CABIN1: variants seen among roughly 807,000 people sequenced by gnomAD.
CABIN1 encodes the protein calcineurin-binding protein cabin-1.
In CABIN1, 133 loss-of-function variants were observed where a neutral mutation model predicts 227.7. That is an observed-to-expected ratio of 0.58 (90% CI 0.51 to 0.67). CABIN1 has a LOEUF of 0.67. CABIN1 is among the 30% of genes least tolerant of loss of function. CABIN1 has a pLI of 0.00. For missense variants in CABIN1, 2,408 were observed against 2,852.5 expected, an observed-to-expected ratio of 0.84 and a Z score of 3.55; for synonymous variants, 1,086 against 1,155.1, an observed-to-expected ratio of 0.94 and a Z score of 1.21.
chr22:24,081,403 T>G (rs1396431594), intron 19 of CABIN1, among the ~76,000 whole-genome samples: 1 of 152,234 alleles, frequency 6.6e-6, no homozygotes, highest in African/African-American at 2.4e-5. Flanking sequence ...AGTTTCCACT[T>G]AGAGCATAAG....
At chr22:24,095,000 G>A (rs1374464230) in intron 24 of CABIN1, among the ~76,000 whole-genome samples, 1 of 152,184 alleles carries the variant, frequency 6.6e-6, no homozygotes, top group Non-Finnish European at 1.5e-5. Flanking sequence ...CCACCTGATT[G>A]TGCATGGGTG....
At chr22:24,156,016 G>A in intron 29 of CABIN1, 2 of 574,692 alleles carry the variant, frequency 3.5e-6, no homozygotes, top group Non-Finnish European at 6.1e-6. Flanking sequence ...ACGAGCCTCC[G>A]CGGCCATGGC....
chr22:24,061,805 C>G (rs2039214671), intron 12 of CABIN1, 142 bp from the exon 13 acceptor site: 1 of 704,344 alleles, frequency 1.4e-6, no homozygotes, highest in Admixed American at 2.0e-5. Context: ...CACTGATTAT[C>G]ACTTATGAAA....
rs62642523 is a variant in CABIN1, at chr22:24,067,172, T to G, written c.2223T>G (p.Leu741=). 10,456 of 1,614,214 alleles carry G rather than the reference T, an allele frequency of 6.5e-3. 343 individuals are homozygous for G. The African/African-American group carries it at 0.089, about 14-fold the overall frequency. ...TTCCTGAGAGGCCAGCCCAGCTGCTTCTTCTGCAGGTGTGTGCTGCCAGTG... is the reference window on the plus strand; with the variant it reads ...TTCCTGAGAGGCCAGCCCAGCTGCTGCTTCTGCAGGTGTGTGCTGCCAGTG... ...TSIPERPAQL[L]LLQDSLLRLK... Residue 741 remains leucine, a synonymous_variant, in exon 16 of 37, where the codon CTT becomes CTG. Coordinates refer to ENST00000263119, the MANE Select transcript of CABIN1 (RefSeq NM_012295.4).
Position 24,054,763 on chromosome 22 carries a change from C to T in CABIN1, c.807-110C>T, listed in dbSNP as rs1194146817. The T allele has an allele frequency of 5.9e-6, 8 of 1,364,784 alleles. No homozygotes were observed. In the Admixed American group the frequency reaches 1.2e-4, roughly 20 times the overall value. The allele number at this position is 1,364,784 out of a possible 1,614,324, so 84.5% of individuals were successfully genotyped here. On this transcript the variant is annotated intron_variant, in intron 8 of 36. Coordinates refer to ENST00000263119, the MANE Select transcript of CABIN1 (RefSeq NM_012295.4). The stretch of plus-strand genomic sequence containing the variant: ...ACCTCCCCCACCCCCATGGACATGG[C>T]AGCTCCAGGAGCAGCTCTGCCGCCT...
At chr22:24,041,026 C>A in intron 4 of CABIN1, 113 bp from the exon 5 acceptor site, 1 of 1,283,462 alleles carries the variant, frequency 7.8e-7, no homozygotes, top group Non-Finnish European at 1.1e-6. Flanking sequence ...GTGGACAACA[C>A]TAGACTGGCT....
chr22:24,049,444 C>G (rs546688393), intron 7 of CABIN1, among the ~76,000 whole-genome samples: 2 of 152,320 alleles, frequency 1.3e-5, no homozygotes, highest in South Asian at 2.1e-4. Context: ...TGCCTGCTGC[C>G]CGCCTCTCCT....
intron 8 of CABIN1, among the ~76,000 whole-genome samples, chr22:24,053,834 G>A (rs2038562816): frequency 6.6e-6 from 1 of 152,130 alleles, no homozygotes; most frequent in Non-Finnish European, 1.5e-5. Flanking sequence ...AGCAGCACAT[G>A]CCTCAAGCTG....
intron 1 of CABIN1, among the ~76,000 whole-genome samples, chr22:24,020,675 G>C (rs1395913396): frequency 2.0e-5 from 3 of 152,144 alleles, no homozygotes; most frequent in African/African-American, 4.8e-5. Context: ...TCTGGAAGTT[G>C]TTTATCAGGA....
At chr22:24,111,734 A>G (rs2042817928) in intron 26 of CABIN1, among the ~76,000 whole-genome samples, 1 of 152,254 alleles carries the variant, frequency 6.6e-6, no homozygotes, top group Admixed American at 6.5e-5. Flanking sequence ...TTTCTACTGA[A>G]TGCATATCAC....
chr22:24,117,358 T>A (rs2043146443), intron 27 of CABIN1, among the ~76,000 whole-genome samples: 1 of 152,164 alleles, frequency 6.6e-6, no homozygotes, highest in Non-Finnish European at 1.5e-5. Context: ...CCACCACACC[T>A]GCCTAATTTT....
chr22:24,075,134 T>C (rs2040348119), intron 18 of CABIN1, among the ~76,000 whole-genome samples: 1 of 152,132 alleles, frequency 6.6e-6, no homozygotes, highest in African/African-American at 2.4e-5. Context: ...GCCCAGGAGT[T>C]GGAGGCTGCA....
At chr22:24,085,263 A>G in intron 22 of CABIN1, 112 bp downstream of exon 22, 1 of 1,136,540 alleles carries the variant, frequency 8.8e-7, no homozygotes, top group South Asian at 1.3e-5. Context: ...TTGCAAAGAG[A>G]CCAGGGAAAA....
intron 1 of CABIN1, among the ~76,000 whole-genome samples, chr22:24,029,408 C>T (rs536729856): frequency 5.2e-4 from 79 of 152,132 alleles, no homozygotes; most frequent in Non-Finnish European, 9.8e-4. Flanking sequence ...AAAATTTAGC[C>T]AGGCATGGTG....
intron 29 of CABIN1, 54 bp from the exon 30 acceptor site, chr22:24,164,346 C>T (rs948255200): frequency 3.1e-5 from 50 of 1,595,498 alleles, no homozygotes; most frequent in Non-Finnish European, 3.8e-5. Flanking sequence ...AGGGTGTCCC[C>T]GAGGCTCCTG....
At chr22:24,061,063 G>A (rs936184473) in intron 12 of CABIN1, among the ~76,000 whole-genome samples, 3 of 152,188 alleles carry the variant, frequency 2.0e-5, no homozygotes, top group African/African-American at 4.8e-5. Flanking sequence ...GATGACAGGC[G>A]GGAGCCACCA....
rs200873557 is a variant in CABIN1, at chr22:24,167,009, G to A, written c.5378G>A (p.Arg1793Gln). 6.5e-4 allele frequency: 1,009 copies of A among 1,559,200 alleles called. 13 individuals are homozygous for A. Among genetic ancestry groups the A allele is most frequent in the Non-Finnish European group, 1.4e-4 (157 of 1,152,344 alleles). ...RPARDRGPESRPTELSLEELS... is the reference protein window; with the variant it reads ...RPARDRGPESQPTELSLEELS... ...GCAAGGGACCGGGGCCCCGAGAGCC[G>A]GCCCACTGAGCTGTCCCTGGAGGAG... Residue 1793 changes from arginine (R) to glutamine (Q), a missense_variant, in exon 32 of 37, where the codon CGG becomes CAG. By Grantham distance (43) the Arg-to-Gln change is conservative. Transcript: ENST00000263119.
chr22:24,060,765 C>T (rs2039130139), intron 12 of CABIN1, among the ~76,000 whole-genome samples: 1 of 152,076 alleles, frequency 6.6e-6, no homozygotes, highest in Admixed American at 6.5e-5. Context: ...CCGTACACCA[C>T]CACACCCGGT....
rs775135898 is a variant in CABIN1, at chr22:24,091,754, G to T, written c.3697G>T (p.Ala1233Ser). ...CGTTTACTTGCTGCACTACAGGCAG[G>T]CTGGCCACTACCTGCACGAGGAGGC... The part of the protein sequence containing the change: ...PTVYLLHYRQ[A>S]GHYLHEEAAR... Residue 1233 changes from alanine (A) to serine (S), a missense_variant, in exon 24 of 37, where the codon GCT becomes TCT. This residue lies in a region of CABIN1 where 649 missense variants were observed against 910.3 expected (regional missense o/e 0.71). Transcript: ENST00000263119. The T allele has an allele frequency of 6.2e-7, 1 of 1,614,056 alleles. No individual in the cohort carries two copies. The highest frequency in any genetic ancestry group is 2.2e-5 in the East Asian group (1 of 44,880).
Sources: gnomAD v4.1 joint callset for allele counts (sites outside exome capture counted in the v4.1 genomes callset) on GRCh38, gnomAD v4.1.1 for gene constraint, gnomAD v4.1.1 regional missense constraint, MANE v1.5 for transcripts, NCBI Gene and HGNC (gene_info 2026-07-23, HGNC 2026-07-21) for gene names.